The following ABHD17C variants were observed in gnomAD, a reference collection of about 807,000 sequenced individuals.
ABHD17C encodes the protein alpha/beta hydrolase domain-containing protein 17C.
Under a neutral mutation model 27.9 loss-of-function variants are expected in ABHD17C, and 11 were observed. That is an observed-to-expected ratio of 0.39 (90% confidence interval 0.25 to 0.65). ABHD17C has a LOEUF of 0.65. Among genes scored for constraint, ABHD17C ranks in the 30% least tolerant of loss-of-function variants. The pLI, the probability that ABHD17C is intolerant of heterozygous loss-of-function variation, is 0.45. For missense variants in ABHD17C, 280 were observed against 470.2 expected (o/e 0.60, Z 3.74); for synonymous variants, 233 against 209.1 (o/e 1.11, Z -0.98).
chr15:80,733,001 C>G (rs1339766422), intron 1 of ABHD17C, among the ~76,000 whole-genome samples: 1 of 152,104 alleles, frequency 6.6e-6, no homozygotes, highest in Admixed American at 6.6e-5. Context: ...GCTGGCCTGC[C>G]CCAGCCTGTC....
At chr15:80,746,962 G>A (rs1020572581) in intron 1 of ABHD17C, among the ~76,000 whole-genome samples, 3 of 151,990 alleles carry the variant, frequency 2.0e-5, no homozygotes, top group Admixed American at 1.3e-4. Context: ...AGAAGGTGAG[G>A]GCTAGTCTGG....
At chr15:80,732,438 A>G (rs1895069648) in intron 1 of ABHD17C, among the ~76,000 whole-genome samples, 1 of 152,220 alleles carries the variant, frequency 6.6e-6, no homozygotes, top group Non-Finnish European at 1.5e-5. Context: ...AACCTCTCTC[A>G]GAGCTTTAGT....
chr15:80,706,340 C>G (rs985970258), intron 1 of ABHD17C, among the ~76,000 whole-genome samples: 3 of 152,166 alleles, frequency 2.0e-5, no homozygotes, highest in Non-Finnish European at 2.9e-5. Context: ...CATTCAGATT[C>G]AATGCTCAGA....
chr15:80,744,663 C>T (rs934764446), intron 1 of ABHD17C, among the ~76,000 whole-genome samples: 6 of 152,164 alleles, frequency 3.9e-5, no homozygotes, highest in African/African-American at 1.2e-4. Context: ...AAAGGACTAG[C>T]GATACTGCTT....
intron 1 of ABHD17C, among the ~76,000 whole-genome samples, chr15:80,734,634 C>G (rs1312295353): frequency 6.6e-6 from 1 of 151,994 alleles, no homozygotes; most frequent in East Asian, 1.9e-4. Flanking sequence ...CATGTCAGGT[C>G]TTGTTTATTT....
chr15:80,731,487 A>G (rs1164562106), intron 1 of ABHD17C, among the ~76,000 whole-genome samples: 1 of 152,208 alleles, frequency 6.6e-6, no homozygotes, highest in African/African-American at 2.4e-5. Context: ...TGTTTAAATA[A>G]AAGAGTTCTT....
At chr15:80,730,664 A>T (rs1895045496) in intron 1 of ABHD17C, among the ~76,000 whole-genome samples, 1 of 152,150 alleles carries the variant, frequency 6.6e-6, no homozygotes, top group African/African-American at 2.4e-5. Flanking sequence ...GTGGATTGAA[A>T]CGTTGACTCG....
At chr15:80,696,087 C>A in intron 1 of ABHD17C, 68 bp downstream of exon 1, 1 of 1,442,668 alleles carries the variant, frequency 6.9e-7, no homozygotes, top group South Asian at 1.2e-5. Context: ...TCTCTTGGGG[C>A]CCCTGGGGCG....
At chr15:80,728,359 C>T (rs139813584) in intron 1 of ABHD17C, among the ~76,000 whole-genome samples, 2 of 152,250 alleles carry the variant, frequency 1.3e-5, no homozygotes, top group Non-Finnish European at 2.9e-5. Flanking sequence ...GCTATTCACA[C>T]ACAGATGAGA....
At chr15:80,743,993 C>T (rs1043092236) in intron 1 of ABHD17C, among the ~76,000 whole-genome samples, 1 of 152,186 alleles carries the variant, frequency 6.6e-6, no homozygotes, top group Non-Finnish European at 1.5e-5. Flanking sequence ...GACTTTGGAA[C>T]TGTTAATGTT....
rs906439106 is a variant in ABHD17C at position 80,734,693 on chromosome 15, A to G, written c.591-14820A>G. On this transcript the variant is annotated intron_variant, in intron 1 of 2. Coordinates refer to ENST00000258884, the MANE Select transcript of ABHD17C (RefSeq NM_021214.2). ...ATATGGTAGGAGAGAATAGTCTTGA[A>G]TGTCATAAAGTATTACATTCTTTTG... Among the ~76,000 whole-genome samples, 3 of 152,356 alleles carry G rather than the reference A, an allele frequency of 2.0e-5. No homozygotes were observed. In the East Asian group the frequency reaches 5.8e-4, roughly 29 times the overall value.
At chr15:80,724,717 C>T (rs1894948783) in intron 1 of ABHD17C, among the ~76,000 whole-genome samples, 1 of 152,130 alleles carries the variant, frequency 6.6e-6, no homozygotes, top group South Asian at 2.1e-4. Flanking sequence ...GTGATGGATG[C>T]TCCTGCACAA....
chr15:80,717,476 C>G (rs1023146048), intron 1 of ABHD17C, among the ~76,000 whole-genome samples: 1 of 151,904 alleles, frequency 6.6e-6, no homozygotes, highest in African/African-American at 2.4e-5. Flanking sequence ...TCACTGCAAC[C>G]TCTGCTTCCC....
At chr15:80,700,047 T>C (rs1370242335) in intron 1 of ABHD17C, among the ~76,000 whole-genome samples, 1 of 152,238 alleles carries the variant, frequency 6.6e-6, no homozygotes, top group Non-Finnish European at 1.5e-5. Context: ...TTGGAGTGTA[T>C]TGTTGTCACT....
chr15:80,735,772 C>A (rs558137312), intron 1 of ABHD17C, among the ~76,000 whole-genome samples: 1 of 152,288 alleles, frequency 6.6e-6, no homozygotes, highest in South Asian at 2.1e-4. Flanking sequence ...TTTGCTGTAC[C>A]TCAATGAACT....
chr15:80,718,794 G>A (rs573934218), intron 1 of ABHD17C, among the ~76,000 whole-genome samples: 16 of 152,278 alleles, frequency 1.1e-4, no homozygotes, highest in African/African-American at 2.9e-4. Flanking sequence ...ATAGAGTGGC[G>A]TCATTTTGCT....
chr15:80,718,312 A>T (rs1323137622), intron 1 of ABHD17C, among the ~76,000 whole-genome samples: 1 of 151,416 alleles, frequency 6.6e-6, no homozygotes. Flanking sequence ...TCTTCTTGTA[A>T]TTTTATTTTA....
chr15:80,702,368 G>A (rs532045928), intron 1 of ABHD17C, among the ~76,000 whole-genome samples: 5 of 152,152 alleles, frequency 3.3e-5, no homozygotes, highest in South Asian at 2.1e-4. Flanking sequence ...GGTGGCTCAT[G>A]CCTGTAGTCT....
intron 1 of ABHD17C, among the ~76,000 whole-genome samples, chr15:80,739,758 C>T (rs1243626910): frequency 6.6e-6 from 1 of 152,184 alleles, no homozygotes; most frequent in Non-Finnish European, 1.5e-5. Flanking sequence ...TTATAAATTA[C>T]TCAGTCTCAG....
Sources: gnomAD v4.1 joint callset for allele counts (sites outside exome capture counted in the v4.1 genomes callset) on GRCh38, gnomAD v4.1.1 for gene constraint, MANE v1.5 for transcripts, NCBI Gene and HGNC (gene_info 2026-07-23, HGNC 2026-07-21) for gene names.